The following SORL1-AS1 variants were observed in gnomAD, a reference collection of about 807,000 sequenced individuals.
The protein encoded by SORL1-AS1 is lncRNA 51 A.
chr11:121,439,089 T>A, the SORL1-AS1 span, among the ~76,000 whole-genome samples: 2 of 152,190 alleles, frequency 1.3e-5, no homozygotes, highest in Non-Finnish European at 2.9e-5. Flanking sequence ...TTTGTAGACA[T>A]ATAGTTTCAT....
chr11:121,438,538 C>T, the SORL1-AS1 span, among the ~76,000 whole-genome samples: 6,544 of 151,928 alleles, frequency 0.043, 154 homozygotes, highest in African/African-American at 0.059. Flanking sequence ...TAAGTGGAGT[C>T]GTTCATTGTG....
the SORL1-AS1 span, among the ~76,000 whole-genome samples, chr11:121,440,171 G>A: frequency 2.6e-5 from 4 of 152,280 alleles, no homozygotes; most frequent in Non-Finnish European, 5.9e-5. Context: ...TCAGGAGTTC[G>A]AGACAAGCCT....
chr11:121,438,428 C>A, the SORL1-AS1 span, among the ~76,000 whole-genome samples: 1 of 152,202 alleles, frequency 6.6e-6, no homozygotes, highest in South Asian at 2.1e-4. Flanking sequence ...TTTTCCCATG[C>A]TCCTTTCCTG....
Position 121,452,809 on chromosome 11 carries a change from A to G in SORL1-AS1, n.205T>C, listed in dbSNP as rs771551636. ...CATTGATCTTTCCTTCTTCCTGTCGATTTAGTAAACGTATTCCAGGTAACT... is the reference window on the plus strand; with the variant it reads ...CATTGATCTTTCCTTCTTCCTGTCGGTTTAGTAAACGTATTCCAGGTAACT... On this transcript the variant is annotated non_coding_transcript_exon_variant, in exon 1 of 2. Coordinates refer to ENST00000501964, the Ensembl canonical transcript of SORL1-AS1. This position sits in a 1 kb window ranked among gnomAD's most constrained non-coding sequence, Gnocchi z 5.3. The G allele has an allele frequency of 2.6e-5, 13 of 506,904 alleles. No homozygotes were observed. The highest frequency in any genetic ancestry group is 4.0e-5 in the Non-Finnish European group (12 of 300,484). The allele number at this position is 506,904 out of a possible 1,614,324, so 31.4% of individuals were successfully genotyped here. A position where few individuals can be genotyped will look rare whatever the true frequency, so the allele number is the denominator to read the frequency against.
At chr11:121,443,476 C>G (rs1034699321), downstream of SORL1-AS1, among the ~76,000 whole-genome samples, 8 of 152,232 alleles carry the variant, frequency 5.3e-5, no homozygotes, top group East Asian at 9.6e-4. Flanking sequence ...CTCTCCTGTT[C>G]CATTGATGCT....
At chr11:121,440,880 T>C in the SORL1-AS1 span, among the ~76,000 whole-genome samples, 1 of 152,238 alleles carries the variant, frequency 6.6e-6, no homozygotes, top group Admixed American at 6.5e-5. Context: ...TGAAGGCTCT[T>C]GTGTCACATA....
Position 121,452,257 on chromosome 11 carries a change from C to T in SORL1-AS1, n.339+418G>A. ...CGGGAGCGGCGCGCGCGGTCCCGGC[C>T]CAGCGGCTCTCCTGGCCTCGCGCTG... On this transcript the variant is annotated intron_variant and non_coding_transcript_variant, in intron 1 of 1. Coordinates refer to ENST00000501964, the Ensembl canonical transcript of SORL1-AS1. This position sits in a 1 kb window ranked among gnomAD's most constrained non-coding sequence, Gnocchi z 5.3. 1.6e-6 allele frequency: 2 copies of T among 1,261,374 alleles called. No individual in the cohort carries two copies. The highest frequency in any genetic ancestry group is 2.1e-6 in the Non-Finnish European group (2 of 974,024). The allele number at this position is 1,261,374 out of a possible 1,614,324, so 78.1% of individuals were successfully genotyped here. A position where few individuals can be genotyped will look rare whatever the true frequency, so the allele number is the denominator to read the frequency against.
At chr11:121,446,754 G>GAAA (rs552381479), downstream of SORL1-AS1, among the ~76,000 whole-genome samples, 1 of 94,470 alleles carries the variant, frequency 1.1e-5, no homozygotes. Context: ...CTTAAGAGAA[G>GAAA]AAAAAAAAAA....
At position 121,451,458 on chromosome 11, in the gene SORL1-AS1, C is replaced by T. The variant is rs148956537; in HGVS notation, n.339+1217G>A. Among the ~76,000 whole-genome samples, 771 of 152,268 alleles carry T rather than the reference C, an allele frequency of 5.1e-3. 7 individuals carry two copies. The highest frequency in any genetic ancestry group is 0.018 in the African/African-American group (733 of 41,548). Reference sequence around the variant, plus strand: ...ACTGCTGAGGCAGGGTGGCTCAGTGCTTGGTCACCTTGGAGGGATCATAAG... The same window carrying T: ...ACTGCTGAGGCAGGGTGGCTCAGTGTTTGGTCACCTTGGAGGGATCATAAG... On this transcript the variant is annotated intron_variant and non_coding_transcript_variant, in intron 1 of 1. Transcript: ENST00000501964.
At chr11:121,438,293 CTTTAT>C in the SORL1-AS1 span, among the ~76,000 whole-genome samples, 103 of 152,300 alleles carry the variant, frequency 6.8e-4, no homozygotes, top group African/African-American at 1.7e-4. Context: ...CATTTCATCC[CTTTAT>C]TTTAATTTAT....
chr11:121,452,317 A>T lies in SORL1-AS1; in HGVS notation n.339+358T>A. The T allele has an allele frequency of 2.6e-6, 4 of 1,518,592 alleles. No homozygotes were observed. The highest frequency in any genetic ancestry group is 2.6e-6 in the Non-Finnish European group (3 of 1,136,550). 94.1% of individuals were successfully genotyped at this position (1,518,592 alleles called of 1,614,324 possible). A position where few individuals can be genotyped will look rare whatever the true frequency, so the allele number is the denominator to read the frequency against. ...TCCTGGCGGCGGCGCCACCTGCAGT[A>T]GCGTTCGCCCGAACATGGCGACACG... On this transcript the variant is annotated intron_variant and non_coding_transcript_variant, in intron 1 of 1. Transcript: ENST00000501964. The surrounding 1 kb of genome is among the most constrained non-coding windows in gnomAD (Gnocchi z 5.3).
downstream of SORL1-AS1, among the ~76,000 whole-genome samples, chr11:121,442,997 G>GA (rs1160398589): frequency 2.4e-3 from 252 of 105,708 alleles, no homozygotes; most frequent in East Asian, 0.021. Flanking sequence ...TCTCACAAAA[G>GA]AAAAAAAAAA....
chr11:121,448,856 C>T (rs1860755956), exon 2 of SORL1-AS1: 1 of 152,074 alleles, frequency 6.6e-6, no homozygotes, highest in African/African-American at 2.4e-5. Context: ...GGGACTAGAG[C>T]CTTAGAGTGA....
chr11:121,452,670 C>T lies in SORL1-AS1; in HGVS notation n.339+5G>A. ...CAGTTTTTTCCTCTCCCTGCACTTC[C>T]TCACCCCCGCATCCATCCGTTGCAG... On this transcript the variant is annotated splice_donor_5th_base_variant and intron_variant and non_coding_transcript_variant, in intron 1 of 1. Coordinates refer to ENST00000501964, the Ensembl canonical transcript of SORL1-AS1. The surrounding 1 kb of genome is among the most constrained non-coding windows in gnomAD (Gnocchi z 5.3). 1.5e-6 allele frequency: 2 copies of T among 1,373,434 alleles called. No individual in the cohort carries two copies. The highest frequency in any genetic ancestry group is 9.4e-7 in the Non-Finnish European group (1 of 1,059,920). The allele number at this position is 1,373,434 out of a possible 1,614,324, so 85.1% of individuals were successfully genotyped here.
rs1676791353 is a variant in SORL1-AS1 at position 121,452,273 on chromosome 11, C to T, written n.339+402G>A. 1.5e-6 allele frequency: 2 copies of T among 1,367,846 alleles called. No individual in the cohort carries two copies. Among genetic ancestry groups the T allele is most frequent in the African/African-American group, 3.0e-5 (2 of 65,794 alleles). 84.7% of individuals were successfully genotyped at this position (1,367,846 alleles called of 1,614,324 possible). The stretch of plus-strand genomic sequence containing the variant: ...GGTCCCGGCCCAGCGGCTCTCCTGG[C>T]CTCGCGCTGCACATTCTCTCCTGGC... On this transcript the variant is annotated intron_variant and non_coding_transcript_variant, in intron 1 of 1. Coordinates refer to ENST00000501964, the Ensembl canonical transcript of SORL1-AS1. This position sits in a 1 kb window ranked among gnomAD's most constrained non-coding sequence, Gnocchi z 5.3.
downstream of SORL1-AS1, among the ~76,000 whole-genome samples, chr11:121,446,104 C>T (rs904327314): frequency 4.6e-5 from 7 of 152,198 alleles, no homozygotes; most frequent in Admixed American, 6.5e-5. Flanking sequence ...GTGTGAGGAG[C>T]GGGGGTGGGG....
downstream of SORL1-AS1, among the ~76,000 whole-genome samples, chr11:121,444,854 T>C (rs1468709886): frequency 1.3e-5 from 2 of 152,256 alleles, no homozygotes; most frequent in Non-Finnish European, 2.9e-5. Flanking sequence ...TTCATTTACA[T>C]AATGTTAGAT....
chr11:121,445,100 T>C (rs1860706568), downstream of SORL1-AS1, among the ~76,000 whole-genome samples: 1 of 152,180 alleles, frequency 6.6e-6, no homozygotes, highest in Admixed American at 6.5e-5. Flanking sequence ...AATGTATTAT[T>C]TTATGTGGAG....
At chr11:121,451,838 G>A (rs1317959495) in intron 1 of SORL1-AS1, among the ~76,000 whole-genome samples, 1 of 152,216 alleles carries the variant, frequency 6.6e-6, no homozygotes, top group Non-Finnish European at 1.5e-5. Flanking sequence ...GCCGGGGCCG[G>A]GGGGAGGTGG....
Sources: allele counts gnomAD v4.1 joint callset (sites outside exome capture counted in the v4.1 genomes callset), GRCh38; gene constraint gnomAD v4.1.1; non-coding constraint Gnocchi (gnomAD v3.1); transcripts MANE v1.5; gene names NCBI Gene and HGNC (gene_info 2026-07-23, HGNC 2026-07-21).